Variants in CYB5RL observed in about 807,000 individuals in gnomAD.
The protein encoded by CYB5RL is NADH-cytochrome b5 reductase-like.
A neutral mutation model predicts 37.5 loss-of-function variants in CYB5RL; 38 were observed. The ratio of observed to expected loss-of-function variants is 1.01; its 90% CI spans 0.78 to 1.33. The LOEUF (loss-of-function observed/expected upper bound fraction) is 1.33, where lower values mean the gene tolerates loss of function less well. Ranked by LOEUF, CYB5RL falls within the 40% of genes most tolerant of loss-of-function variation. The pLI, the probability that CYB5RL is intolerant of heterozygous loss-of-function variation, is 0.00. For synonymous variants in CYB5RL, 141 were observed against 151.9 expected, an observed-to-expected ratio of 0.93 and a Z score of 0.53; for missense variants, 388 against 394.4, an observed-to-expected ratio of 0.98 and a Z score of 0.14.
chr1:54,180,785 T>TA (rs542884375), intron 6 of CYB5RL, among the ~76,000 whole-genome samples: 171 of 151,726 alleles, frequency 1.1e-3, no homozygotes, highest in Non-Finnish European at 2.1e-3. Context: ...TCCTCACTGG[T>TA]AAAAAAAAGA....
chr1:54,173,608 A>G lies in CYB5RL; in HGVS notation c.*1011T>C, dbSNP rs1176071809. ...ATATGGTGAAGAGTACATTTCTATG[A>G]CTATAAAAGTCTAACTCTAAGATTC... On this transcript the variant is annotated 3_prime_UTR_variant, in exon 8 of 8. Transcript: ENST00000534324. The G allele has an allele frequency of 6.6e-6, 1 of 152,274 alleles. No individual in the cohort carries two copies. The highest frequency in any genetic ancestry group is 2.4e-5 in the African/African-American group (1 of 41,448). 9.4% of individuals were successfully genotyped at this position (152,274 alleles called of 1,614,324 possible). A position where few individuals can be genotyped will look rare whatever the true frequency, so the allele number is the denominator to read the frequency against.
At chr1:54,175,857 T>A (rs962798521) in intron 7 of CYB5RL, among the ~76,000 whole-genome samples, 5 of 152,162 alleles carry the variant, frequency 3.3e-5, no homozygotes, top group Admixed American at 1.3e-4. Context: ...TATCAAGGAC[T>A]CGAGCATCCT....
At chr1:54,194,950 G>A (rs772301487) in intron 3 of CYB5RL, among the ~76,000 whole-genome samples, 6 of 152,190 alleles carry the variant, frequency 3.9e-5, no homozygotes, top group South Asian at 2.1e-4. Context: ...ATGAAGTCCC[G>A]GAGGAGTTAA....
In CYB5RL at chr1:54,170,802, A is replaced by G. The variant is rs1659874070; in HGVS notation, c.*3817T>C. ...CATGCTGGAACTTGTGTATCCCTAC[A>G]TGACCTTGGAAAATCGCTTGAAGTC... On this transcript the variant is annotated 3_prime_UTR_variant, in exon 8 of 8. Coordinates refer to ENST00000534324, the MANE Select transcript of CYB5RL (RefSeq NM_001031672.4). The G allele has an allele frequency of 3.2e-6, 1 of 313,058 alleles. No homozygotes were observed. The highest frequency in any genetic ancestry group is 6.3e-6 in the Non-Finnish European group (1 of 157,992). The allele number at this position is 313,058 out of a possible 1,614,324, so 19.4% of individuals were successfully genotyped here.
At position 54,195,636 on chromosome 1, in the gene CYB5RL, T is replaced by G; in HGVS notation, c.-20A>C. On this transcript the variant is annotated 5_prime_UTR_variant, in exon 3 of 8. Coordinates refer to ENST00000534324, the MANE Select transcript of CYB5RL (RefSeq NM_001031672.4). ...CATCATCAGTGGGGCTTGGGCAGCC[T>G]AGAAGGAACAACTGGGTGCTCTTCC... 1.3e-6 allele frequency: 2 copies of G among 1,587,964 alleles called. No homozygotes were observed. The highest frequency in any genetic ancestry group is 1.7e-6 in the Non-Finnish European group (2 of 1,163,708).
intron 6 of CYB5RL, among the ~76,000 whole-genome samples, chr1:54,180,518 G>GGCGT (rs1401598905): frequency 6.6e-6 from 1 of 151,184 alleles, no homozygotes; most frequent in East Asian, 2.0e-4. Flanking sequence ...GCAGGAGAAT[G>GGCGT]GCGTGATCCT....
Position 54,177,782 on chromosome 1 carries a change from G to A in CYB5RL, c.744+1367C>T, listed in dbSNP as rs556186040. Among the ~76,000 whole-genome samples, 16 of 152,334 alleles carry A rather than the reference G, an allele frequency of 1.1e-4. No homozygotes were observed. The South Asian group carries it at 3.1e-3, about 30-fold the overall frequency. On this transcript the variant is annotated intron_variant, in intron 7 of 7. Transcript: ENST00000534324. ...GCTGAATGAAGGGGAGTCCTTTTCA[G>A]CCGTCTCTGTGGCTGTCACCCATAG...
chr1:54,197,320 T>TTC (rs1553178350), intron 1 of CYB5RL, among the ~76,000 whole-genome samples: 1 of 146,998 alleles, frequency 6.8e-6, no homozygotes, highest in Non-Finnish European at 1.5e-5. Flanking sequence ...TTCTTTTCTT[T>TTC]TTTTTTTTTT....
chr1:54,174,568 C>T lies in CYB5RL; in HGVS notation c.*51G>A. 1.3e-6 allele frequency: 2 copies of T among 1,557,926 alleles called. No individual in the cohort carries two copies. The highest frequency in any genetic ancestry group is 1.7e-6 in the Non-Finnish European group (2 of 1,150,322). On this transcript the variant is annotated 3_prime_UTR_variant, in exon 8 of 8. Transcript: ENST00000534324. ...TTCTGATTCCAGTCTGTGCTCCTTCCTGGGTCCCAGTAGCAGGCTCATGGC... is the reference window on the plus strand; with the variant it reads ...TTCTGATTCCAGTCTGTGCTCCTTCTTGGGTCCCAGTAGCAGGCTCATGGC...
intron 5 of CYB5RL, 94 bp from the exon 6 acceptor site, chr1:54,184,359 A>C: frequency 9.7e-7 from 1 of 1,030,622 alleles, no homozygotes; most frequent in African/African-American, 1.6e-5. Flanking sequence ...TCTGTATGCT[A>C]AGTGCTTCAC....
In CYB5RL at chr1:54,195,306, T is replaced by C. The variant is rs11206299; in HGVS notation, c.198+113A>G. 34,042 of 1,250,522 alleles carry C rather than the reference T, an allele frequency of 0.027. 2,815 individuals carry two copies. In the East Asian group the frequency reaches 0.3, roughly 11 times the overall value. The allele number at this position is 1,250,522 out of a possible 1,614,324, so 77.5% of individuals were successfully genotyped here. A position where few individuals can be genotyped will look rare whatever the true frequency, so the allele number is the denominator to read the frequency against. On this transcript the variant is annotated intron_variant, in intron 3 of 7. Coordinates refer to ENST00000534324, the MANE Select transcript of CYB5RL (RefSeq NM_001031672.4). ...TAGATCTGTTTGCTTCTGTTATGCA[T>C]ACTCTTTTCTTCTGCTGTACAGTCA...
At chr1:54,192,564 T>G (rs1643965829) in intron 3 of CYB5RL, among the ~76,000 whole-genome samples, 1 of 152,160 alleles carries the variant, frequency 6.6e-6, no homozygotes, top group African/African-American at 2.4e-5. Flanking sequence ...TTACTGAGCA[T>G]CTACCATGTG....
chr1:54,195,585 G>A lies in CYB5RL; in HGVS notation c.32C>T (p.Thr11Ile). Residue 11 changes from threonine to isoleucine, a missense_variant, in exon 3 of 8, where the codon ACT (threonine) becomes ATT (isoleucine). By Grantham distance (89) the Thr-to-Ile change is moderately conservative. Transcript: ENST00000534324. MMAEREEDDD[T>I]EEAWMQLRPT... ...CCGTAGCTGCATCCAGGCTTCCTCA[G>A]TGTCGTCGTCCTCTTCCCTCTCAGC... The A allele has an allele frequency of 6.2e-7, 1 of 1,612,846 alleles. No homozygotes were observed. The highest frequency in any genetic ancestry group is 8.5e-7 in the Non-Finnish European group (1 of 1,179,120).
At chr1:54,182,326 G>T (rs1033878235) in intron 6 of CYB5RL, among the ~76,000 whole-genome samples, 3 of 152,194 alleles carry the variant, frequency 2.0e-5, no homozygotes, top group Non-Finnish European at 4.4e-5. Context: ...TGCTACACGT[G>T]CTTGATATTA....
intron 6 of CYB5RL, among the ~76,000 whole-genome samples, chr1:54,182,520 T>A (rs1283768385): frequency 6.6e-6 from 1 of 151,964 alleles, no homozygotes; most frequent in African/African-American, 2.4e-5. Context: ...GTAATGAACA[T>A]GTACTGCATT....
chr1:54,174,818 C>G lies in CYB5RL; in HGVS notation c.749G>C (p.Ser250Thr), dbSNP rs190838484. The change falls in exon 8 of 8, where the codon AGC becomes ACC. Residue 250 changes from serine (S) to threonine (T), a missense_variant. Coordinates refer to ENST00000534324, the MANE Select transcript of CYB5RL (RefSeq NM_001031672.4). ...ACTCCAGGGAAGCTGCTCTGAGGAGCTCTCCTGGGAAGACAAGAAAGGCAT... is the reference window on the plus strand; with the variant it reads ...ACTCCAGGGAAGCTGCTCTGAGGAGGTCTCCTGGGAAGACAAGAAAGGCAT... ...VRTFFVLSQE[S>T]SSEQLPWSYQ... 5.6e-6 allele frequency: 9 copies of G among 1,612,610 alleles called. No individual in the cohort carries two copies. The East Asian group carries it at 2.0e-4, about 36-fold the overall frequency.
Position 54,174,585 on chromosome 1 carries a change from G to A in CYB5RL, c.*34C>T, listed in dbSNP as rs1286560233. 6.3e-7 allele frequency: 1 copy of A among 1,577,364 alleles called. No individual in the cohort carries two copies. Among genetic ancestry groups the A allele is most frequent in the Non-Finnish European group, 8.6e-7 (1 of 1,161,978 alleles). On this transcript the variant is annotated 3_prime_UTR_variant, in exon 8 of 8. Coordinates refer to ENST00000534324, the MANE Select transcript of CYB5RL (RefSeq NM_001031672.4). ...GCTCCTTCCTGGGTCCCAGTAGCAG[G>A]CTCATGGCCTAGGCTTTGGAAGAGA...
At position 54,174,371 on chromosome 1, in the gene CYB5RL, G is replaced by T; in HGVS notation, c.*248C>A. On this transcript the variant is annotated 3_prime_UTR_variant, in exon 8 of 8. Coordinates refer to ENST00000534324, the MANE Select transcript of CYB5RL (RefSeq NM_001031672.4). ...AGAGTCCTCCCTGACTCCCAGGCTG[G>T]TTGCTCACCTCCTCAGGGCCCCTAC... The T allele has an allele frequency of 1.9e-6, 1 of 514,454 alleles. No homozygotes were observed. Among genetic ancestry groups the T allele is most frequent in the Non-Finnish European group, 3.5e-6 (1 of 284,238 alleles). 31.9% of individuals were successfully genotyped at this position (514,454 alleles called of 1,614,324 possible).
At position 54,192,181 on chromosome 1, in the gene CYB5RL, A is replaced by T. The variant is rs867274035; in HGVS notation, c.199-1285T>A. ...TTTGTTTGCATCCATCTGTTTGCAAATTTTTTTTTTTTTTTTTTTTTGAGA... is the reference window on the plus strand; with the variant it reads ...TTTGTTTGCATCCATCTGTTTGCAATTTTTTTTTTTTTTTTTTTTTTGAGA... On this transcript the variant is annotated intron_variant, in intron 3 of 7. Coordinates refer to ENST00000534324, the MANE Select transcript of CYB5RL (RefSeq NM_001031672.4). Among the ~76,000 whole-genome samples, 8 of 110,888 alleles carry T rather than the reference A, an allele frequency of 7.2e-5. 1 individual carries two copies. Among genetic ancestry groups the T allele is most frequent in the Middle Eastern group, 9.6e-3 (2 of 208 alleles). The allele number at this position is 110,888 out of a possible 152,430, so 72.7% of individuals were successfully genotyped here. A position where few individuals can be genotyped will look rare whatever the true frequency, so the allele number is the denominator to read the frequency against.
Sources: gnomAD v4.1 joint callset for allele counts (sites outside exome capture counted in the v4.1 genomes callset) on GRCh38, gnomAD v4.1.1 for gene constraint, MANE v1.5 for transcripts, NCBI Gene and HGNC (gene_info 2026-07-23, HGNC 2026-07-21) for gene names.